The following KDM4C variants were observed in gnomAD, a reference collection of about 807,000 sequenced individuals.
The protein encoded by KDM4C is lysine demethylase 4C.
KDM4C carries 81 observed loss-of-function variants against 129.3 expected under a neutral mutation model. The observed-to-expected ratio is 0.63, with a 90% CI of 0.52 to 0.75. The LOEUF (loss-of-function observed/expected upper bound fraction) is 0.75. Ranked by LOEUF, KDM4C falls within the 30% of genes least tolerant of loss-of-function variation. The pLI is 0.00. For synonymous variants in KDM4C, 573 were observed against 456.1 expected, an observed-to-expected ratio of 1.26 and a Z score of -3.26; for missense variants, 1,457 against 1,304.0, an observed-to-expected ratio of 1.12 and a Z score of -1.81.
intron 15 of KDM4C, among the ~76,000 whole-genome samples, chr9:7,031,540 C>CAAA (rs1826770563): frequency 6.6e-6 from 1 of 152,000 alleles, no homozygotes; most frequent in Admixed American, 6.6e-5. Context: ...CTTTCCTTTT[C>CAAA]CACTTACAAA....
At chr9:7,049,494 G>A (rs1564041970) in intron 17 of KDM4C, among the ~76,000 whole-genome samples, 1 of 152,008 alleles carries the variant, frequency 6.6e-6, no homozygotes, top group African/African-American at 2.4e-5. Context: ...AGATTTGTCA[G>A]TACTGGAGCT....
intron 4 of KDM4C, among the ~76,000 whole-genome samples, chr9:6,829,280 G>C (rs990658604): frequency 6.6e-6 from 1 of 152,232 alleles, no homozygotes; most frequent in African/African-American, 2.4e-5. Flanking sequence ...TGGACATTAG[G>C]CATGGTGAGC....
At chr9:6,757,723 C>T (rs1463893404), upstream of KDM4C, 3 of 985,624 alleles carry the variant, frequency 3.0e-6, no homozygotes, top group Non-Finnish European at 3.6e-6. Context: ...CCAGCCAGCG[C>T]TTCCGGGCAA....
At position 6,904,247 on chromosome 9, in the gene KDM4C, G is replaced by GA. The variant is rs542043987; in HGVS notation, c.921+11024dup. ...GAGTGAGACTCCATCTCAAAAAAAA[G>GA]AAAAAAAAATCTGTATCTATGTCTA... On this transcript the variant is annotated intron_variant, in intron 8 of 21. Transcript: ENST00000381309. 4.7e-5 allele frequency among the ~76,000 whole-genome samples: 7 copies of GA among 150,104 alleles called. No homozygotes were observed. In the East Asian group the frequency reaches 5.9e-4, roughly 13 times the overall value.
intron 15 of KDM4C, among the ~76,000 whole-genome samples, chr9:7,043,619 G>C (rs1828940738): frequency 6.6e-6 from 1 of 151,860 alleles, no homozygotes. Context: ...CAACTAGTTT[G>C]ACCCTCTGAG....
At chr9:6,818,631 A>G (rs1832535665) in intron 4 of KDM4C, among the ~76,000 whole-genome samples, 1 of 152,182 alleles carries the variant, frequency 6.6e-6, no homozygotes, top group Non-Finnish European at 1.5e-5. Context: ...TGCTCTTACC[A>G]GTAGGCTTCC....
chr9:6,840,813 C>G (rs1200815953), intron 4 of KDM4C, among the ~76,000 whole-genome samples: 1 of 152,192 alleles, frequency 6.6e-6, no homozygotes, highest in African/African-American at 2.4e-5. Flanking sequence ...GTTATCCCAC[C>G]TCTTGTTTCT....
At chr9:7,044,482 C>T (rs114214315) in intron 15 of KDM4C, among the ~76,000 whole-genome samples, 113 of 151,848 alleles carry the variant, frequency 7.4e-4, no homozygotes, top group African/African-American at 2.6e-3. Flanking sequence ...GGACTATCAG[C>T]GAAAGTGATG....
intron 1 of KDM4C, among the ~76,000 whole-genome samples, chr9:6,730,275 T>A (rs375798516): frequency 5.9e-5 from 9 of 152,266 alleles, no homozygotes; most frequent in African/African-American, 2.2e-4. Context: ...TACTTTATAG[T>A]ATGGGCTTGT....
intron 12 of KDM4C, among the ~76,000 whole-genome samples, chr9:6,992,068 AG>A (rs1183521891): frequency 6.7e-6 from 1 of 150,212 alleles, no homozygotes; most frequent in Non-Finnish European, 1.5e-5. Flanking sequence ...TTTTCCCTTT[AG>A]TGTTAAGACA....
chr9:7,128,337 C>G (rs1840246547), intron 19 of KDM4C, 101 bp downstream of exon 19: 1 of 804,896 alleles, frequency 1.2e-6, no homozygotes, highest in Non-Finnish European at 1.8e-6. Flanking sequence ...TTTTGAGTAG[C>G]TCATTCACTT....
intron 19 of KDM4C, among the ~76,000 whole-genome samples, chr9:7,164,209 T>C (rs1844115753): frequency 6.6e-6 from 1 of 152,152 alleles, no homozygotes. Context: ...AAAATAAAAA[T>C]TACCATAGTC....
intron 8 of KDM4C, among the ~76,000 whole-genome samples, chr9:6,936,416 T>C (rs1486625983): frequency 6.6e-6 from 1 of 152,222 alleles, no homozygotes; most frequent in East Asian, 1.9e-4. Flanking sequence ...AGAATGCATA[T>C]ATACATTTAT....
chr9:7,027,861 C>T (rs1313377733), intron 15 of KDM4C, among the ~76,000 whole-genome samples: 1 of 152,172 alleles, frequency 6.6e-6, no homozygotes, highest in Admixed American at 6.5e-5. Context: ...AGCCTCAGCC[C>T]ATGACCGCCA....
intron 4 of KDM4C, among the ~76,000 whole-genome samples, chr9:6,818,054 C>T (rs1260766864): frequency 2.6e-5 from 4 of 152,068 alleles, no homozygotes; most frequent in Admixed American, 6.5e-5. Context: ...TGTGAGCCAC[C>T]GCACCCTGCC....
intron 12 of KDM4C, among the ~76,000 whole-genome samples, chr9:6,997,951 G>T (rs1820066447): frequency 1.3e-5 from 2 of 152,310 alleles, no homozygotes; most frequent in South Asian, 4.1e-4. Context: ...ATAACCAAGT[G>T]TACTGTGTTT....
chr9:7,006,126 C>G (rs1821626169), intron 12 of KDM4C, among the ~76,000 whole-genome samples: 2 of 152,172 alleles, frequency 1.3e-5, no homozygotes, highest in South Asian at 4.1e-4. Context: ...CTCAGTGTGA[C>G]CCTCACCTTG....
chr9:6,865,755 A>ATTT (rs941691419), intron 5 of KDM4C, among the ~76,000 whole-genome samples: 1 of 98,880 alleles, frequency 1.0e-5, no homozygotes, highest in Admixed American at 9.4e-5. Context: ...TATTTTATTT[A>ATTT]TTTTTTTTTT....
At chr9:7,042,724 C>G (rs1021900812) in intron 15 of KDM4C, among the ~76,000 whole-genome samples, 35 of 152,046 alleles carry the variant, frequency 2.3e-4, no homozygotes, top group Non-Finnish European at 3.5e-4. Flanking sequence ...TTGCACTCTA[C>G]TTTGATACCT....
Sources: gnomAD v4.1 joint callset for allele counts (sites outside exome capture counted in the v4.1 genomes callset) on GRCh38, gnomAD v4.1.1 for gene constraint, MANE v1.5 for transcripts, NCBI Gene and HGNC (gene_info 2026-07-23, HGNC 2026-07-21) for gene names.